Variants in DCSTAMP observed in about 807,000 individuals in gnomAD.
The protein encoded by DCSTAMP is dendritic cell-specific transmembrane protein.
Under a neutral mutation model 33.8 loss-of-function variants are expected in DCSTAMP, and 25 were observed. The observed-to-expected ratio is 0.74, with a 90% confidence interval of 0.54 to 1.03. The LOEUF (loss-of-function observed/expected upper bound fraction) is 1.03, where lower values mean the gene tolerates loss of function less well. DCSTAMP is among the 50% of genes least tolerant of loss of function. The probability of loss-of-function intolerance (pLI) is 0.00; values close to 1 mark genes in which losing one functional copy is unlikely to be tolerated. For missense variants in DCSTAMP, 531 were observed against 556.8 expected (o/e 0.95, Z 0.47); for synonymous variants, 245 against 216.7 (o/e 1.13, Z -1.15).
intron 2 of DCSTAMP, among the ~76,000 whole-genome samples, chr8:104,354,580 G>T (rs188374002): frequency 6.6e-6 from 1 of 152,334 alleles, no homozygotes; most frequent in East Asian, 1.9e-4. Flanking sequence ...AATGGGCATT[G>T]TGATTTTCAA....
intron 2 of DCSTAMP, among the ~76,000 whole-genome samples, chr8:104,352,145 G>A (rs1284850715): frequency 6.6e-6 from 1 of 152,052 alleles, no homozygotes; most frequent in Non-Finnish European, 1.5e-5. Context: ...AGCCCCACTT[G>A]CCATTTCTCT....
chr8:104,351,484 G>C (rs1210118536), intron 2 of DCSTAMP, among the ~76,000 whole-genome samples: 1 of 152,218 alleles, frequency 6.6e-6, no homozygotes, highest in Non-Finnish European at 1.5e-5. Flanking sequence ...AAGTTTATTA[G>C]AACAGAGTAC....
At chr8:104,355,807 G>C (rs1259534565) in intron 3 of DCSTAMP, among the ~76,000 whole-genome samples, 1 of 152,174 alleles carries the variant, frequency 6.6e-6, no homozygotes, top group Non-Finnish European at 1.5e-5. Context: ...AAACGAATTT[G>C]CTTAATAGAT....
Position 104,349,344 on chromosome 8 carries a change from C to G in DCSTAMP, c.792C>G (p.Pro264=). The part of the protein sequence containing the change: ...FDERERHQQR[P]CVLPLNKEER... ...AAAGGGAGAGACATCAACAGAGGCC[C>G]TGTGTGCTCCCGCTGAATAAGGAGG... The change falls in exon 2 of 4, where the codon CCC becomes CCG. Residue 264 remains proline (P), a synonymous_variant. Coordinates refer to ENST00000297581, the MANE Select transcript of DCSTAMP (RefSeq NM_030788.4). 1 of 1,614,192 alleles carries G rather than the reference C, an allele frequency of 6.2e-7. No individual in the cohort carries two copies. The highest frequency in any genetic ancestry group is 1.7e-5 in the Admixed American group (1 of 60,028).
At chr8:104,343,742 C>T (rs373196394) in intron 1 of DCSTAMP, among the ~76,000 whole-genome samples, 35 of 152,232 alleles carry the variant, frequency 2.3e-4, no homozygotes, top group African/African-American at 1.9e-4. Flanking sequence ...TAATTAAAGG[C>T]GACACAGAGT....
intron 1 of DCSTAMP, among the ~76,000 whole-genome samples, chr8:104,346,450 C>A (rs1193278919): frequency 6.6e-6 from 1 of 152,202 alleles, no homozygotes; most frequent in African/African-American, 2.4e-5. Context: ...TATGGTAAGG[C>A]CTGTCTCTAT....
Position 104,348,698 on chromosome 8 carries a change from T to G in DCSTAMP, c.146T>G (p.Val49Gly). The G allele has an allele frequency of 6.2e-7, 1 of 1,614,198 alleles. No homozygotes were observed. The highest frequency in any genetic ancestry group is 8.5e-7 in the Non-Finnish European group (1 of 1,180,028). The change falls in exon 2 of 4, where the codon GTG becomes GGG. Residue 49 changes from valine to glycine, a missense_variant. Transcript: ENST00000297581. ...VALISVGLLS[V>G]AACWFLPSII... ...CTTATTTCAGTGGGCCTCCTGTCTGTGGCCGCCTGCTGGTTTCTGCCATCA... is the reference window on the plus strand; with the variant it reads ...CTTATTTCAGTGGGCCTCCTGTCTGGGGCCGCCTGCTGGTTTCTGCCATCA...
intron 2 of DCSTAMP, among the ~76,000 whole-genome samples, chr8:104,351,773 T>C (rs1307129321): frequency 6.6e-6 from 1 of 152,162 alleles, no homozygotes; most frequent in East Asian, 1.9e-4. Context: ...TAATGAGCAG[T>C]GAGGACAACT....
rs778410179 is a variant in DCSTAMP, at chr8:104,355,040, T to C, written c.1193T>C (p.Met398Thr). ...VMLGLLSSIL[M>T]QLKILVSASF... ...CTGGGACTGTTGTCCTCTATCCTTA[T>C]GCAACTTAAAATCCTGGTGTCAGCA... Residue 398 changes from methionine (M) to threonine (T), a missense_variant, in exon 3 of 4, where the codon ATG (methionine) becomes ACG (threonine). Coordinates refer to ENST00000297581, the MANE Select transcript of DCSTAMP (RefSeq NM_030788.4). The C allele has an allele frequency of 1.2e-5, 19 of 1,614,062 alleles. No individual in the cohort carries two copies. The highest frequency in any genetic ancestry group is 3.3e-5 in the Admixed American group (2 of 60,002).
chr8:104,342,346 G>A (rs925840601), intron 1 of DCSTAMP, among the ~76,000 whole-genome samples: 13 of 152,214 alleles, frequency 8.5e-5, no homozygotes, highest in East Asian at 1.9e-4. Flanking sequence ...AAAATCAGCC[G>A]TCAGAGTGTT....
At chr8:104,352,973 G>A (rs1810506627) in intron 2 of DCSTAMP, among the ~76,000 whole-genome samples, 1 of 152,212 alleles carries the variant, frequency 6.6e-6, no homozygotes, top group Non-Finnish European at 1.5e-5. Flanking sequence ...CCAAGGAGAA[G>A]TCACACAGGA....
rs1303559715 is a variant in DCSTAMP at position 104,356,269 on chromosome 8, C to T, written c.*71C>T. 4.8e-6 allele frequency: 7 copies of T among 1,462,380 alleles called. No individual in the cohort carries two copies. In the East Asian group the frequency reaches 7.2e-5, roughly 15 times the overall value. The allele number at this position is 1,462,380 out of a possible 1,614,324, so 90.6% of individuals were successfully genotyped here. On this transcript the variant is annotated 3_prime_UTR_variant, in exon 4 of 4. Coordinates refer to ENST00000297581, the MANE Select transcript of DCSTAMP (RefSeq NM_030788.4). ...CAGGTCTAGGATGGCAGTCACTATT[C>T]ATGCCGGATAATAGAGAACTATGTG...
intron 1 of DCSTAMP, among the ~76,000 whole-genome samples, chr8:104,343,790 G>A (rs559530364): frequency 1.3e-5 from 2 of 152,318 alleles, no homozygotes; most frequent in South Asian, 2.1e-4. Flanking sequence ...TTCTCTCCCC[G>A]CCATGTGAGG....
At chr8:104,340,756 C>A (rs2099382660) in intron 1 of DCSTAMP, among the ~76,000 whole-genome samples, 2 of 152,192 alleles carry the variant, frequency 1.3e-5, no homozygotes, top group African/African-American at 4.8e-5. Flanking sequence ...CCGTTTGGCG[C>A]TCTTTTCCTG....
chr8:104,346,301 G>A (rs1425464048), intron 1 of DCSTAMP, among the ~76,000 whole-genome samples: 4 of 152,252 alleles, frequency 2.6e-5, no homozygotes, highest in Non-Finnish European at 5.9e-5. Flanking sequence ...ATGCCTGGGA[G>A]GAGAGGCCAC....
chr8:104,341,601 T>A (rs747132770), intron 1 of DCSTAMP, among the ~76,000 whole-genome samples: 1 of 152,224 alleles, frequency 6.6e-6, no homozygotes, highest in Non-Finnish European at 1.5e-5. Context: ...CTGTTTCCCA[T>A]GGCAACAGCT....
intron 3 of DCSTAMP, 82 bp from the exon 4 acceptor site, chr8:104,356,042 C>G (rs1409266167): frequency 2.3e-6 from 3 of 1,277,034 alleles, no homozygotes; most frequent in Non-Finnish European, 3.3e-6. Context: ...CATCTTTAAC[C>G]CCACAATGAA....
intron 1 of DCSTAMP, 45 bp from the exon 2 acceptor site, chr8:104,348,496 A>G: frequency 6.4e-7 from 1 of 1,559,760 alleles, no homozygotes; most frequent in Non-Finnish European, 8.7e-7. Context: ...AGGTCAGAGG[A>G]CATTCAAAAG....
chr8:104,352,363 T>A (rs1810483961), intron 2 of DCSTAMP, among the ~76,000 whole-genome samples: 1 of 152,176 alleles, frequency 6.6e-6, no homozygotes, highest in Admixed American at 6.5e-5. Flanking sequence ...GCAGGGTGGA[T>A]AATGGAAGTA....
Sources: gnomAD v4.1 joint callset for allele counts (sites outside exome capture counted in the v4.1 genomes callset) on GRCh38, gnomAD v4.1.1 for gene constraint, MANE v1.5 for transcripts, NCBI Gene and HGNC (gene_info 2026-07-23, HGNC 2026-07-21) for gene names.